Variants in CIART observed in about 807,000 individuals in gnomAD.
The protein encoded by CIART is circadian associated repressor of transcription.
In CIART, 7 loss-of-function variants were observed where a neutral mutation model predicts 22.1. That is an observed-to-expected ratio of 0.32 (90% CI 0.18 to 0.59). The LOEUF (loss-of-function observed/expected upper bound fraction) is 0.59. CIART is among the 20% of genes least tolerant of loss of function. The probability of loss-of-function intolerance (pLI) is 0.86; values close to 1 mark genes in which losing one functional copy is unlikely to be tolerated. For missense variants in CIART, 440 were observed against 478.0 expected (o/e 0.92, Z 0.74); for synonymous variants, 163 against 174.6 (o/e 0.93, Z 0.53).
At chr1:150,286,123 G>A (rs587753884) in intron 4 of CIART, among the ~76,000 whole-genome samples, 33 of 152,038 alleles carry the variant, frequency 2.2e-4, no homozygotes, top group Admixed American at 1.6e-3. Flanking sequence ...AATTCTAAAA[G>A]GGATTATTTT....
chr1:150,286,954 G>T lies in CIART; in HGVS notation c.1158G>T (p.Ter386TyrextTer9). ...VAADAHLLNL[*>Y] ...CTGATGCTCATCTTCTCAACCTCTAGCCCAGGGCATACAGCTGTCCACTGT... is the reference window on the plus strand; with the variant it reads ...CTGATGCTCATCTTCTCAACCTCTATCCCAGGGCATACAGCTGTCCACTGT... Residue 386 changes from the stop codon to tyrosine, a stop_lost, in exon 5 of 5, where the codon TAG becomes TAT. Coordinates refer to ENST00000290363, the MANE Select transcript of CIART (RefSeq NM_144697.4). 6.4e-7 allele frequency: 1 copy of T among 1,561,478 alleles called. No homozygotes were observed. The highest frequency in any genetic ancestry group is 8.7e-7 in the Non-Finnish European group (1 of 1,151,574).
At chr1:150,283,717 G>T in intron 1 of CIART, 84 bp downstream of exon 1, 2 of 1,563,074 alleles carry the variant, frequency 1.3e-6, no homozygotes, top group South Asian at 2.2e-5. Flanking sequence ...GGACAGTATT[G>T]ACTCCCAGAT....
chr1:150,283,305 ACTCT>A lies in CIART; in HGVS notation c.45_48del (p.Ser16ArgfsTer8). ...TCTAGCGTTTCTTCCTATTCCTCCT[ACTCT>A]CTCTCTTCGTCTTTTCCCACCTCCC... On this transcript the variant is annotated frameshift_variant, in exon 1 of 5. Transcript: ENST00000290363. LOFTEE classifies it high-confidence loss of function. The A allele has an allele frequency of 1.3e-6, 2 of 1,532,088 alleles. No homozygotes were observed. Among genetic ancestry groups the A allele is most frequent in the South Asian group, 2.6e-5 (2 of 77,006 alleles). The allele number at this position is 1,532,088 out of a possible 1,614,324, so 94.9% of individuals were successfully genotyped here.
Position 150,287,027 on chromosome 1 carries a change from T to C in CIART, c.*73T>C. 7.4e-7 allele frequency: 1 copy of C among 1,344,506 alleles called. No homozygotes were observed. Among genetic ancestry groups the C allele is most frequent in the African/African-American group, 1.5e-5 (1 of 66,978 alleles). 83.3% of individuals were successfully genotyped at this position (1,344,506 alleles called of 1,614,324 possible). Reference sequence around the variant, plus strand: ...TTATGTATATATGTATTTTTACTATTAATGTGTGCATTTGTGTTGAGGGAA... The same window carrying C: ...TTATGTATATATGTATTTTTACTATCAATGTGTGCATTTGTGTTGAGGGAA... On this transcript the variant is annotated 3_prime_UTR_variant, in exon 5 of 5. Transcript: ENST00000290363.
intron 2 of CIART, 22 bp from the exon 3 acceptor site, chr1:150,284,402 ATC>A: frequency 6.4e-7 from 1 of 1,554,866 alleles, no homozygotes; most frequent in East Asian, 2.2e-5. Flanking sequence ...TCAATCCTTA[ATC>A]TCTCTCTGTC....
rs1217384695 is a variant in CIART, at chr1:150,282,792, C to T, written c.-476C>T. 1 of 152,820 alleles carries T rather than the reference C, an allele frequency of 6.5e-6. No homozygotes were observed. The highest frequency in any genetic ancestry group is 1.9e-4 in the East Asian group (1 of 5,200). 9.5% of individuals were successfully genotyped at this position (152,820 alleles called of 1,614,324 possible). On this transcript the variant is annotated 5_prime_UTR_variant, in exon 1 of 5. Transcript: ENST00000290363. Reference sequence around the variant, plus strand: ...GATTGGGAGAGGGCAGGAGGCCAGTCTCTATGGGGGCGGTTCCCGTAGGAT... The same window carrying T: ...GATTGGGAGAGGGCAGGAGGCCAGTTTCTATGGGGGCGGTTCCCGTAGGAT...
At chr1:150,284,876 G>GTTA (rs1221285128) in intron 4 of CIART, 168 bp downstream of exon 4, 1 of 561,470 alleles carries the variant, frequency 1.8e-6, no homozygotes, top group Non-Finnish European at 3.2e-6. Flanking sequence ...TACATGTTTT[G>GTTA]TTGTTGTTGT....
At position 150,284,658 on chromosome 1, in the gene CIART, A is replaced by G. The variant is rs891538011; in HGVS notation, c.583A>G (p.Ile195Val). The G allele has an allele frequency of 6.2e-7, 1 of 1,614,092 alleles. No homozygotes were observed. Among genetic ancestry groups the G allele is most frequent in the Non-Finnish European group, 8.5e-7 (1 of 1,179,948 alleles). Residue 195 changes from isoleucine to valine, a missense_variant, in exon 4 of 5, where the codon ATA becomes GTA. By Grantham distance (29) the Ile-to-Val change is conservative. Transcript: ENST00000290363. ...EGMLKTWFPQ[I>V]AAQKSSLGGG... ...GATGTTAAAGACTTGGTTTCCACAA[A>G]TAGCTGCCCAGAAGTCATCATTGGG...
intron 2 of CIART, among the ~76,000 whole-genome samples, chr1:150,284,121 G>T (rs1368118310): frequency 2.6e-5 from 4 of 151,880 alleles, no homozygotes; most frequent in Admixed American, 2.6e-4. Flanking sequence ...GGGTTCAAGC[G>T]ATTCTCCTGC....
At position 150,286,657 on chromosome 1, in the gene CIART, A is replaced by C; in HGVS notation, c.861A>C (p.Gly287=). Residue 287 remains glycine (G), a synonymous_variant, in exon 5 of 5, where the codon GGA becomes GGC. Transcript: ENST00000290363. The part of the protein sequence containing the change: ...ISFSHGPLGT[G]TGIGVILFLQ... ...TTAGCCATGGTCCTTTAGGCACTGG[A>C]ACCGGCATTGGCGTCATTCTTTTCC... The C allele has an allele frequency of 1.2e-6, 2 of 1,614,086 alleles. No individual in the cohort carries two copies.
At chr1:150,284,993 A>G (rs1057185190) in intron 4 of CIART, 13 of 421,854 alleles carry the variant, frequency 3.1e-5, no homozygotes, top group African/African-American at 2.7e-4. Context: ...AAGGCTTTTT[A>G]CCTGGCCAAA....
chr1:150,284,707 A>C lies in CIART; in HGVS notation c.632A>C (p.Lys211Thr), dbSNP rs1653388478. The C allele has an allele frequency of 6.2e-7, 1 of 1,604,956 alleles. No homozygotes were observed. The highest frequency in any genetic ancestry group is 8.5e-7 in the Non-Finnish European group (1 of 1,171,926). The change falls in exon 4 of 5, where the codon AAG becomes ACG. Residue 211 changes from lysine to threonine, a missense_variant and splice_region_variant. Physicochemically the swap from Lys to Thr is moderately conservative, Grantham distance 78. Transcript: ENST00000290363. Reference sequence around the variant, plus strand: ...GGTGGTGGCAAGCATCAGCTGACCAAGGTAAGAACTTAAGAACACGAGGAA... The same window carrying C: ...GGTGGTGGCAAGCATCAGCTGACCACGGTAAGAACTTAAGAACACGAGGAA... ...SLGGGKHQLT[K>T]HFPSHHSDSA...
intron 4 of CIART, chr1:150,285,535 T>TAAAAA (rs5777719): frequency 3.7e-4 from 53 of 144,472 alleles, no homozygotes; most frequent in East Asian, 1.0e-3. Flanking sequence ...AAACTCCATC[T>TAAAAA]AAAAAAAAAA....
In CIART at chr1:150,282,559, G is replaced by C. The variant is rs1273822407; in HGVS notation, c.-709G>C. 6.6e-6 allele frequency: 1 copy of C among 152,232 alleles called. No homozygotes were observed. The highest frequency in any genetic ancestry group is 2.4e-5 in the African/African-American group (1 of 41,430). The allele number at this position is 152,232 out of a possible 1,614,324, so 9.4% of individuals were successfully genotyped here. The stretch of plus-strand genomic sequence containing the variant: ...TGAGAGAGGCGGAGGTGGGTAGATA[G>C]ACCCGGAGAGACGGCGAAGGAGCTG... On this transcript the variant is annotated 5_prime_UTR_variant, in exon 1 of 5. Transcript: ENST00000290363.
Position 150,284,442 on chromosome 1 carries a change from G to A in CIART, c.459G>A (p.Gln153=). Residue 153 remains glutamine (Q), a synonymous_variant, in exon 3 of 5, where the codon CAG becomes CAA. Coordinates refer to ENST00000290363, the MANE Select transcript of CIART (RefSeq NM_144697.4). The part of the protein sequence containing the change: ...GRFERGLSSF[Q]QSVAMDRIQR... ...TGTCCCCAGGATTAAGCAGTTTTCA[G>A]CAGAGTGTGGCAATGGACAGGATCC... 1.2e-6 allele frequency: 2 copies of A among 1,611,364 alleles called. No homozygotes were observed. The highest frequency in any genetic ancestry group is 1.3e-5 in the African/African-American group (1 of 74,936).
chr1:150,285,192 G>C (rs1391492169), intron 4 of CIART: 1 of 177,326 alleles, frequency 5.6e-6, no homozygotes, highest in African/African-American at 2.4e-5. Context: ...AAGTAGGGGA[G>C]GGGGGCACCA....
chr1:150,284,450 T>G lies in CIART; in HGVS notation c.467T>G (p.Val156Gly). ...GGATTAAGCAGTTTTCAGCAGAGTGTGGCAATGGACAGGATCCAGCGTATT... is the reference window on the plus strand; with the variant it reads ...GGATTAAGCAGTTTTCAGCAGAGTGGGGCAATGGACAGGATCCAGCGTATT... Reference protein sequence around the residue: ...ERGLSSFQQSVAMDRIQRIVG... With the variant: ...ERGLSSFQQSGAMDRIQRIVG... The change falls in exon 3 of 5, where the codon GTG becomes GGG. Residue 156 changes from valine (V) to glycine (G), a missense_variant. Transcript: ENST00000290363. 6.2e-7 allele frequency: 1 copy of G among 1,612,292 alleles called. No individual in the cohort carries two copies. Among genetic ancestry groups the G allele is most frequent in the East Asian group, 2.2e-5 (1 of 44,880 alleles).
Position 150,283,237 on chromosome 1 carries a change from G to A in CIART, c.-31G>A, listed in dbSNP as rs782286338. On this transcript the variant is annotated 5_prime_UTR_variant, in exon 1 of 5. Coordinates refer to ENST00000290363, the MANE Select transcript of CIART (RefSeq NM_144697.4). ...AGGTTCCGATCTTTGGGTACTCCAG[G>A]AGCTGTTCTATAGCCCCTGCTTCTG... The A allele has an allele frequency of 3.3e-6, 5 of 1,496,974 alleles. No homozygotes were observed. The African/African-American group carries it at 5.6e-5, about 17-fold the overall frequency. The allele number at this position is 1,496,974 out of a possible 1,614,324, so 92.7% of individuals were successfully genotyped here. A position where few individuals can be genotyped will look rare whatever the true frequency, so the allele number is the denominator to read the frequency against.
chr1:150,286,664 A>G lies in CIART; in HGVS notation c.868A>G (p.Ile290Val), dbSNP rs781842519. ...TGGTCCTTTAGGCACTGGAACCGGCATTGGCGTCATTCTTTTCCTCCAGCA... is the reference window on the plus strand; with the variant it reads ...TGGTCCTTTAGGCACTGGAACCGGCGTTGGCGTCATTCTTTTCCTCCAGCA... ...SHGPLGTGTG[I>V]GVILFLQHGV... Residue 290 changes from isoleucine (I) to valine (V), a missense_variant, in exon 5 of 5, where the codon ATT becomes GTT. Physicochemically the swap from Ile to Val is conservative, Grantham distance 29. Coordinates refer to ENST00000290363, the MANE Select transcript of CIART (RefSeq NM_144697.4). 4 of 1,614,146 alleles carry G rather than the reference A, an allele frequency of 2.5e-6. No homozygotes were observed. The highest frequency in any genetic ancestry group is 3.4e-6 in the Non-Finnish European group (4 of 1,180,002).
Sources: gnomAD v4.1 joint callset for allele counts (sites outside exome capture counted in the v4.1 genomes callset) on GRCh38, gnomAD v4.1.1 for gene constraint, MANE v1.5 for transcripts, NCBI Gene and HGNC (gene_info 2026-07-23, HGNC 2026-07-21) for gene names.